The following FGD4 variants were observed in gnomAD, a reference collection of about 807,000 sequenced individuals.
FGD4 encodes FYVE, RhoGEF and PH domain containing 4.
A neutral mutation model predicts 102.0 loss-of-function variants in FGD4; 42 were observed. That is an observed-to-expected ratio of 0.41 (90% CI 0.32 to 0.53). The LOEUF (loss-of-function observed/expected upper bound fraction) is 0.53, where lower values mean the gene tolerates loss of function less well. FGD4 is among the 20% of genes least tolerant of loss of function. The probability of loss-of-function intolerance (pLI) is 0.21; values close to 1 mark genes in which losing one functional copy is unlikely to be tolerated. For synonymous variants in FGD4, 380 were observed against 375.7 expected, an observed-to-expected ratio of 1.01 and a Z score of -0.13; for missense variants, 902 against 1,078.2, an observed-to-expected ratio of 0.84 and a Z score of 2.29.
Position 32,481,545 on chromosome 12 carries a change from G to A in FGD4, c.166+81586G>A, listed in dbSNP as rs147446191. On this transcript the variant is annotated intron_variant, in intron 1 of 16. Transcript: ENST00000534526. Reference sequence around the variant, plus strand: ...ATTGCTTTAAAAATGAACATCAGCCGGGTGCGGTGGCTCACGCCTGTAATC... The same window carrying A: ...ATTGCTTTAAAAATGAACATCAGCCAGGTGCGGTGGCTCACGCCTGTAATC... 3.0e-3 allele frequency among the ~76,000 whole-genome samples: 462 copies of A among 152,240 alleles called. 5 individuals carry two copies. Among genetic ancestry groups the A allele is most frequent in the African/African-American group, 0.011 (445 of 41,536 alleles).
intron 4 of FGD4, among the ~76,000 whole-genome samples, chr12:32,586,374 G>C (rs1013002679): frequency 6.6e-6 from 1 of 152,164 alleles, no homozygotes; most frequent in African/African-American, 2.4e-5. Context: ...GAATTGCTTA[G>C]ATATTTGATA....
chr12:32,625,725 A>AG lies in FGD4; in HGVS notation c.2119dup (p.Glu707GlyfsTer32). 1 of 1,613,976 alleles carries AG rather than the reference A, an allele frequency of 6.2e-7. No homozygotes were observed. Among genetic ancestry groups the AG allele is most frequent in the Non-Finnish European group, 8.5e-7 (1 of 1,179,994 alleles). On this transcript the variant is annotated frameshift_variant, in exon 14 of 17. Transcript: ENST00000534526. LOFTEE classifies it high-confidence loss of function. ...AAGTGACAATGTGTATGAAATGTAA[A>AG]GAACCTTTCAATGCACTGACACGAA...
chr12:32,526,933 G>T (rs370916644), intron 1 of FGD4, among the ~76,000 whole-genome samples: 1 of 151,982 alleles, frequency 6.6e-6, no homozygotes, highest in Non-Finnish European at 1.5e-5. Context: ...GTATTACGTC[G>T]CATGAATATA....
At chr12:32,468,697 G>A (rs1416606335) in intron 1 of FGD4, among the ~76,000 whole-genome samples, 2 of 152,126 alleles carry the variant, frequency 1.3e-5, no homozygotes, top group Non-Finnish European at 2.9e-5. Context: ...AGCTATGATC[G>A]CCCAACTGTA....
intron 1 of FGD4, among the ~76,000 whole-genome samples, chr12:32,447,414 GT>G (rs11317474): frequency 0.2 from 29,915 of 152,088 alleles, 3,570 homozygotes; most frequent in East Asian, 0.28. Context: ...ATGGGGTGTG[GT>G]TGGTTGACTC....
intron 8 of FGD4, among the ~76,000 whole-genome samples, chr12:32,610,198 T>TG (rs1455852311): frequency 6.6e-6 from 1 of 152,252 alleles, no homozygotes; most frequent in African/African-American, 2.4e-5. Context: ...CATAGCTGTG[T>TG]GACCTCAGCC....
intron 1 of FGD4, among the ~76,000 whole-genome samples, chr12:32,555,929 C>T (rs1461531178): frequency 6.6e-6 from 1 of 152,014 alleles, no homozygotes; most frequent in African/African-American, 2.4e-5. Flanking sequence ...CAGGTCACTG[C>T]AATCTCAAAC....
At chr12:32,454,081 A>G (rs569760897) in intron 1 of FGD4, among the ~76,000 whole-genome samples, 1 of 152,182 alleles carries the variant, frequency 6.6e-6, no homozygotes, top group African/African-American at 2.4e-5. Flanking sequence ...AAAAAAAAAA[A>G]GGTTTATTTC....
At chr12:32,627,004 C>T (rs56150065) in intron 14 of FGD4, among the ~76,000 whole-genome samples, 22,858 of 151,744 alleles carry the variant, frequency 0.15, 1,975 homozygotes, top group Middle Eastern at 0.26. Context: ...TGTGCCACCA[C>T]ACCTGGCTGA....
Position 32,643,226 on chromosome 12 carries a change from T to A in FGD4, c.*2693T>A, listed in dbSNP as rs1025532180. On this transcript the variant is annotated 3_prime_UTR_variant, in exon 17 of 17. Coordinates refer to ENST00000534526, the MANE Select transcript of FGD4 (RefSeq NM_001370298.3). ...TGCAGACTTTTATCTTGGTTTTAAGTGGGGCTCAATAAAAAACACCAGCCA... is the reference window on the plus strand; with the variant it reads ...TGCAGACTTTTATCTTGGTTTTAAGAGGGGCTCAATAAAAAACACCAGCCA... 4 of 152,514 alleles carry A rather than the reference T, an allele frequency of 2.6e-5. No individual in the cohort carries two copies. Among genetic ancestry groups the A allele is most frequent in the African/African-American group, 9.6e-5 (4 of 41,454 alleles). 9.4% of individuals were successfully genotyped at this position (152,514 alleles called of 1,614,324 possible). A position where few individuals can be genotyped will look rare whatever the true frequency, so the allele number is the denominator to read the frequency against.
intron 1 of FGD4, among the ~76,000 whole-genome samples, chr12:32,404,055 A>G (rs2062600): frequency 0.48 from 72,420 of 151,010 alleles, 19,010 homozygotes; most frequent in African/African-American, 0.7. Context: ...ATGGTCTTAC[A>G]AGTTAGTTAC....
At position 32,645,341 on chromosome 12, in the gene FGD4, G is replaced by A. The variant is rs1681227027; in HGVS notation, c.*4808G>A. The A allele has an allele frequency of 6.6e-6, 1 of 151,502 alleles. No homozygotes were observed. The highest frequency in any genetic ancestry group is 1.5e-5 in the Non-Finnish European group (1 of 67,918). 9.4% of individuals were successfully genotyped at this position (151,502 alleles called of 1,614,324 possible). A position where few individuals can be genotyped will look rare whatever the true frequency, so the allele number is the denominator to read the frequency against. ...GCATTTCATTTTGTGAGTGACAATT[G>A]ACATTTTAAAATAAGCATAGGCCGG... is the stretch of plus-strand genomic sequence containing the variant. On this transcript the variant is annotated 3_prime_UTR_variant, in exon 17 of 17. Coordinates refer to ENST00000534526, the MANE Select transcript of FGD4 (RefSeq NM_001370298.3).
chr12:32,585,881 CAGTTGTGCCCCAGGAGTACT>C (rs1760295851), intron 4 of FGD4, among the ~76,000 whole-genome samples: 1 of 143,554 alleles, frequency 7.0e-6, no homozygotes, highest in Non-Finnish European at 1.5e-5. Flanking sequence ...GATGAAGGAG[CAGTTGTGCCCCAGGAGTACT>C]AGTTGAGGGC....
intron 1 of FGD4, among the ~76,000 whole-genome samples, chr12:32,510,769 T>C (rs539919349): frequency 6.6e-6 from 1 of 152,212 alleles, no homozygotes; most frequent in East Asian, 1.9e-4. Context: ...AGACAGATAC[T>C]TGTAAGAGAT....
In FGD4 at chr12:32,582,317, T is replaced by C. The variant is rs1946680308; in HGVS notation, c.861T>C (p.Asn287=). 9 of 1,614,046 alleles carry C rather than the reference T, an allele frequency of 5.6e-6. No homozygotes were observed. The highest frequency in any genetic ancestry group is 7.6e-6 in the Non-Finnish European group (9 of 1,180,030). ...ASPTTDSCDG[N]ASDSSYRTPG... is the part of the protein sequence containing the mutation. The stretch of plus-strand genomic sequence containing the variant: ...CCACAACAGACAGCTGTGATGGAAA[T>C]GCTTCTGACAGTAGCTACAGGACTC... Residue 287 remains asparagine, a synonymous_variant, in exon 4 of 17, where the codon AAT becomes AAC. Transcript: ENST00000534526.
chr12:32,459,248 C>T (rs1943033243), intron 1 of FGD4, among the ~76,000 whole-genome samples: 1 of 147,846 alleles, frequency 6.8e-6, no homozygotes, highest in Non-Finnish European at 1.5e-5. Flanking sequence ...GGCTGGAATC[C>T]ATCGATACAC....
chr12:32,625,755 G>A lies in FGD4; in HGVS notation c.2148G>A (p.Arg716=), dbSNP rs372451301. The part of the protein sequence containing the change: ...KEPFNALTRR[R]HHCRACGYVV... ...CTTTCAATGCACTGACACGAAGGAG[G>A]CATCATTGTCGAGCATGTGGATATG... Residue 716 remains arginine (R), a synonymous_variant, in exon 14 of 17, where the codon AGG becomes AGA. Transcript: ENST00000534526. 47 of 1,613,830 alleles carry A rather than the reference G, an allele frequency of 2.9e-5. No individual in the cohort carries two copies. Among genetic ancestry groups the A allele is most frequent in the Non-Finnish European group, 3.8e-5 (45 of 1,179,990 alleles).
intron 1 of FGD4, among the ~76,000 whole-genome samples, chr12:32,416,087 C>T (rs1379894792): frequency 3.9e-5 from 6 of 152,174 alleles, no homozygotes; most frequent in African/African-American, 1.4e-4. Context: ...CTTCTGCCTC[C>T]TGGGCTCAAG....
intron 4 of FGD4, among the ~76,000 whole-genome samples, chr12:32,597,796 A>G (rs1335939532): frequency 1.3e-5 from 2 of 152,224 alleles, no homozygotes; most frequent in Non-Finnish European, 2.9e-5. Flanking sequence ...AACAAGATTA[A>G]CAATGAGTTG....
Sources: allele counts gnomAD v4.1 joint callset (sites outside exome capture counted in the v4.1 genomes callset), GRCh38; gene constraint gnomAD v4.1.1; transcripts MANE v1.5; gene names NCBI Gene and HGNC (gene_info 2026-07-23, HGNC 2026-07-21).